Variants in BRF1 observed in about 807,000 individuals in gnomAD.
BRF1 encodes BRF1 general transcription factor IIIB subunit, also known as transcription factor IIIB 90 kDa subunit.
Under a neutral mutation model 81.7 loss-of-function variants are expected in BRF1, and 59 were observed. The observed-to-expected ratio is 0.72, with a 90% CI of 0.59 to 0.90. BRF1 has a LOEUF of 0.90. Ranked by LOEUF, BRF1 falls within the 40% of genes least tolerant of loss-of-function variation. BRF1 has a pLI of 0.00. For missense variants in BRF1, 1,050 were observed against 936.3 expected (o/e 1.12, Z -1.58); for synonymous variants, 491 against 395.6 (o/e 1.24, Z -2.86).
chr14:105,223,949 C>T (rs11622757), intron 10 of BRF1, among the ~76,000 whole-genome samples: 1 of 152,180 alleles, frequency 6.6e-6, no homozygotes, highest in African/African-American at 2.4e-5. Context: ...CTAAACTAAC[C>T]CAATAATGCC....
At position 105,252,286 on chromosome 14, in the gene BRF1, G is replaced by A. The variant is rs148667787; in HGVS notation, c.544+221C>T. The A allele has an allele frequency of 4.2e-3, 3,276 of 789,214 alleles. 8 individuals carry two copies. The highest frequency in any genetic ancestry group is 0.014 in the East Asian group (108 of 7,886). The allele number at this position is 789,214 out of a possible 1,614,324, so 48.9% of individuals were successfully genotyped here. A position where few individuals can be genotyped will look rare whatever the true frequency, so the allele number is the denominator to read the frequency against. ...GGCCAGGAGTTTGAGGCTGCAGTGA[G>A]CTACGATTGTGCCACTGCACTCCAG... On this transcript the variant is annotated intron_variant, in intron 5 of 17. Transcript: ENST00000547530.
At chr14:105,262,340 C>A (rs587742155) in intron 3 of BRF1, among the ~76,000 whole-genome samples, 1 of 152,338 alleles carries the variant, frequency 6.6e-6, no homozygotes, top group African/African-American at 2.4e-5. Context: ...AGCAGGTGCT[C>A]TGGGAGTCCC....
rs775658420 is a variant in BRF1, at chr14:105,228,956, C to G, written c.695-43G>C. ...GGGCCTCGTCAACCACGGCTGGGAA[C>G]CAGGGCAACATCTGTGGCGGCCCAG... On this transcript the variant is annotated intron_variant, in intron 6 of 17. Transcript: ENST00000547530. 1.9e-6 allele frequency: 3 copies of G among 1,583,504 alleles called. No individual in the cohort carries two copies. The South Asian group carries it at 3.3e-5, about 17-fold the overall frequency.
intron 5 of BRF1, among the ~76,000 whole-genome samples, chr14:105,243,701 T>G (rs1759046261): frequency 6.6e-6 from 1 of 151,984 alleles, no homozygotes; most frequent in Non-Finnish European, 1.5e-5. Flanking sequence ...AAAACACTGG[T>G]AAATATATCA....
Position 105,300,691 on chromosome 14 carries a change from G to A in BRF1, c.-62C>T. On this transcript the variant is annotated 5_prime_UTR_variant, in exon 1 of 18. Transcript: ENST00000547530. ...AGACTCTCAAGCCACCCGAGCCTCC[G>A]GAGCAGCCCGCGCCGCCCGCCCAGG... 8.2e-7 allele frequency: 1 copy of A among 1,218,014 alleles called. No homozygotes were observed. Among genetic ancestry groups the A allele is most frequent in the Non-Finnish European group, 1.0e-6 (1 of 973,206 alleles). 75.5% of individuals were successfully genotyped at this position (1,218,014 alleles called of 1,614,324 possible). A position where few individuals can be genotyped will look rare whatever the true frequency, so the allele number is the denominator to read the frequency against.
chr14:105,262,081 A>G (rs587626256), intron 3 of BRF1, among the ~76,000 whole-genome samples: 1 of 152,256 alleles, frequency 6.6e-6, no homozygotes, highest in African/African-American at 2.4e-5. Flanking sequence ...AGCATACAGC[A>G]CTCAGCGGCC....
intron 2 of BRF1, among the ~76,000 whole-genome samples, chr14:105,273,266 C>T (rs1030000111): frequency 1.3e-5 from 2 of 152,180 alleles, no homozygotes; most frequent in Admixed American, 6.5e-5. Context: ...TGGGAATGCC[C>T]CTTTTCCTAC....
At chr14:105,279,310 C>A (rs1427815316) in intron 2 of BRF1, among the ~76,000 whole-genome samples, 1 of 152,048 alleles carries the variant, frequency 6.6e-6, no homozygotes, top group Non-Finnish European at 1.5e-5. Flanking sequence ...CATGTATATC[C>A]AACAAAGGAC....
At position 105,217,569 on chromosome 14, in the gene BRF1, C is replaced by A; in HGVS notation, c.1747G>T (p.Asp583Tyr). 6.2e-7 allele frequency: 1 copy of A among 1,613,516 alleles called. No homozygotes were observed. Among genetic ancestry groups the A allele is most frequent in the Non-Finnish European group, 8.5e-7 (1 of 1,179,962 alleles). Residue 583 changes from aspartate (D) to tyrosine (Y), a missense_variant, in exon 15 of 18, where the codon GAC becomes TAC. Coordinates refer to ENST00000547530, the MANE Select transcript of BRF1 (RefSeq NM_001519.4). ...CTTTTCCCCACACTGGTCACAGGGT[C>A]AGCCCCACTTCTGCTGGCCGGCGTC... Reference protein sequence around the residue: ...RRTPASRSGADPVTSVGKRLR... With the variant: ...RRTPASRSGAYPVTSVGKRLR...
At chr14:105,287,895 G>A (rs921259838) in intron 1 of BRF1, among the ~76,000 whole-genome samples, 10 of 152,230 alleles carry the variant, frequency 6.6e-5, no homozygotes, top group Admixed American at 6.5e-4. Context: ...AGGGTCAGGT[G>A]GCACTCAGCT....
intron 5 of BRF1, chr14:105,248,989 CA>C (rs2055370082): frequency 5.0e-6 from 5 of 993,022 alleles, no homozygotes; most frequent in Non-Finnish European, 3.6e-6. Flanking sequence ...GCCCCCGCGC[CA>C]GCGCCGCCGC....
At chr14:105,286,426 T>C (rs1481737726) in intron 1 of BRF1, 50 bp from the exon 2 acceptor site, 6 of 1,550,852 alleles carry the variant, frequency 3.9e-6, no homozygotes, top group Non-Finnish European at 4.4e-6. Context: ...GATCTGCATT[T>C]ACAACCCTTT....
intron 5 of BRF1, chr14:105,247,578 G>C: frequency 2.0e-6 from 2 of 985,424 alleles, no homozygotes; most frequent in Non-Finnish European, 2.4e-6. Context: ...CACTACAACT[G>C]TAACGACCAC....
At chr14:105,248,635 G>A (rs2055329371) in intron 5 of BRF1, 5 of 979,832 alleles carry the variant, frequency 5.1e-6, no homozygotes, top group South Asian at 9.4e-5. Context: ...GCTAGGCTGG[G>A]CTCGGGCAGG....
At position 105,256,506 on chromosome 14, in the gene BRF1, G is replaced by C; in HGVS notation, c.471+12C>G. The C allele has an allele frequency of 6.2e-7, 1 of 1,614,164 alleles. No individual in the cohort carries two copies. The highest frequency in any genetic ancestry group is 1.1e-5 in the South Asian group (1 of 91,086). ...CCCAGGTGGGGAAAGATGCAGGACG[G>C]AGGCTGTCTACCTGGAGCAGGTCGC... On this transcript the variant is annotated intron_variant, in intron 4 of 17. Transcript: ENST00000547530.
At chr14:105,280,093 C>T (rs8015997) in intron 2 of BRF1, among the ~76,000 whole-genome samples, 5,419 of 152,278 alleles carry the variant, frequency 0.036, 174 homozygotes, top group African/African-American at 0.086. Flanking sequence ...AAAACCTGCA[C>T]GTGACGTTTA....
At chr14:105,272,932 C>T (rs1284041795) in intron 2 of BRF1, 38 bp from the exon 3 acceptor site, 4 of 1,537,146 alleles carry the variant, frequency 2.6e-6, no homozygotes, top group Non-Finnish European at 3.5e-6. Context: ...GCCAAATGTT[C>T]CCACAGAACA....
chr14:105,241,222 G>A, intron 6 of BRF1, 43 bp downstream of exon 6: 1 of 1,601,232 alleles, frequency 6.2e-7, no homozygotes, highest in Non-Finnish European at 8.5e-7. Flanking sequence ...TGTGAGGCCA[G>A]GACCCAGACC....
chr14:105,250,687 C>T, intron 5 of BRF1: 1 of 1,595,412 alleles, frequency 6.3e-7, no homozygotes, highest in Non-Finnish European at 8.6e-7. Flanking sequence ...CCCGGGGAGG[C>T]TGCAGCAGGT....
Sources: allele counts gnomAD v4.1 joint callset (sites outside exome capture counted in the v4.1 genomes callset), GRCh38; gene constraint gnomAD v4.1.1; transcripts MANE v1.5; gene names NCBI Gene and HGNC (gene_info 2026-07-23, HGNC 2026-07-21).